Variants in CXCL9 observed in about 807,000 individuals in gnomAD.
CXCL9 encodes C-X-C motif chemokine ligand 9.
In CXCL9, 8 loss-of-function variants were observed where a neutral mutation model predicts 11.7. The ratio of observed to expected loss-of-function variants is 0.68; its 90% confidence interval spans 0.40 to 1.23. CXCL9 has a LOEUF of 1.23. Ranked by LOEUF, CXCL9 falls within the 50% of genes most tolerant of loss-of-function variation. CXCL9 has a pLI of 0.01. For missense variants in CXCL9, 133 were observed against 141.7 expected (o/e 0.94, Z 0.31); for synonymous variants, 43 against 48.2 (o/e 0.89, Z 0.45).
At chr4:76,004,982 G>A in intron 2 of CXCL9, 89 bp from the exon 3 acceptor site, 12 of 1,383,786 alleles carry the variant, frequency 8.7e-6, no homozygotes, top group African/African-American at 1.5e-5. Flanking sequence ...TATGAATTGT[G>A]CTGAATTTTC....
At position 76,004,794 on chromosome 4, in the gene CXCL9, T is replaced by A; in HGVS notation, c.276+15A>T. The A allele has an allele frequency of 6.3e-7, 1 of 1,583,044 alleles. No homozygotes were observed. Among genetic ancestry groups the A allele is most frequent in the Non-Finnish European group, 8.5e-7 (1 of 1,170,900 alleles). ...TTCTAAAAGAAAGAAAATTTTGATCTTCCTTTTCACCAACCTGTTTCTCCC... is the reference window on the plus strand; with the variant it reads ...TTCTAAAAGAAAGAAAATTTTGATCATCCTTTTCACCAACCTGTTTCTCCC... On this transcript the variant is annotated intron_variant, in intron 3 of 3. Transcript: ENST00000264888.
rs1349598682 is a variant in CXCL9, at chr4:76,003,560, C to T, written c.*38G>A. The T allele has an allele frequency of 3.4e-6, 4 of 1,188,102 alleles. No homozygotes were observed. The African/African-American group carries it at 6.1e-5, about 18-fold the overall frequency. 73.6% of individuals were successfully genotyped at this position (1,188,102 alleles called of 1,614,324 possible). On this transcript the variant is annotated 3_prime_UTR_variant, in exon 4 of 4. Coordinates refer to ENST00000264888, the MANE Select transcript of CXCL9 (RefSeq NM_002416.3). ...TGATAGCGGTATAATTAAAATAGAA[C>T]ATTTTTAACACAGAATACTTATTGG...
chr4:76,006,212 G>C lies in CXCL9; in HGVS notation c.127C>G (p.Leu43Val), dbSNP rs760481907. 72 of 1,613,606 alleles carry C rather than the reference G, an allele frequency of 4.5e-5. No individual in the cohort carries two copies. In the South Asian group the frequency reaches 7.1e-4, roughly 16 times the overall value. Reference sequence around the variant, plus strand: ...TGTTTAAGGTCTTTCAAGGATTGTAGGTGGATAGTCCCTTGGTTGGTGCTG... The same window carrying C: ...TGTTTAAGGTCTTTCAAGGATTGTACGTGGATAGTCCCTTGGTTGGTGCTG... ...CISTNQGTIHLQSLKDLKQFA... is the reference protein window; with the variant it reads ...CISTNQGTIHVQSLKDLKQFA... The change falls in exon 2 of 4, where the codon CTA (leucine) becomes GTA (valine). Residue 43 changes from leucine (L) to valine (V), a missense_variant. Physicochemically the swap from Leu to Val is conservative, Grantham distance 32. Transcript: ENST00000264888.
intron 1 of CXCL9, among the ~76,000 whole-genome samples, chr4:76,007,074 A>G (rs1578168077): frequency 1.3e-5 from 2 of 152,318 alleles, no homozygotes; most frequent in East Asian, 3.9e-4. Flanking sequence ...AGCCACAGAT[A>G]TACTTAGCAA....
At chr4:76,004,726 T>C in intron 3 of CXCL9, 83 bp downstream of exon 3, 2 of 1,501,258 alleles carry the variant, frequency 1.3e-6, no homozygotes, top group South Asian at 2.9e-5. Flanking sequence ...TGTATTCTTA[T>C]AGTGTTAATG....
intron 3 of CXCL9, among the ~76,000 whole-genome samples, chr4:76,004,489 C>T (rs1433785137): frequency 6.6e-6 from 1 of 152,156 alleles, no homozygotes; most frequent in African/African-American, 2.4e-5. Flanking sequence ...TTAGCATATG[C>T]ACTACAACAG....
chr4:76,003,770 TC>T (rs1190162562), intron 3 of CXCL9, 71 bp from the exon 4 acceptor site: 2 of 891,582 alleles, frequency 2.2e-6, no homozygotes, highest in Non-Finnish European at 3.6e-6. Flanking sequence ...ATTTGGACTC[TC>T]CTGATCATTG....
chr4:76,004,265 G>A (rs1160562279), intron 3 of CXCL9, among the ~76,000 whole-genome samples: 3 of 152,076 alleles, frequency 2.0e-5, no homozygotes, highest in African/African-American at 7.2e-5. Context: ...AACACAGCAG[G>A]TTCTCTCATG....
intron 1 of CXCL9, among the ~76,000 whole-genome samples, chr4:76,007,011 G>A (rs947286043): frequency 1.6e-4 from 24 of 152,292 alleles, no homozygotes; most frequent in East Asian, 3.9e-4. Flanking sequence ...AAGATAGTTA[G>A]TAAATAGATT....
In CXCL9 at chr4:76,004,913, G is replaced by A; in HGVS notation, c.192-20C>T. 1 of 1,520,150 alleles carries A rather than the reference G, an allele frequency of 6.6e-7. No individual in the cohort carries two copies. Among genetic ancestry groups the A allele is most frequent in the Non-Finnish European group, 8.8e-7 (1 of 1,138,194 alleles). 94.2% of individuals were successfully genotyped at this position (1,520,150 alleles called of 1,614,324 possible). ...GTAGCACTGCCAAAGAAATAGCAAT[G>A]AGATAGTTTTTTCTCATTAATAATT... On this transcript the variant is annotated intron_variant, in intron 2 of 3. Transcript: ENST00000264888.
Position 76,006,223 on chromosome 4 carries a change from C to T in CXCL9, c.116G>A (p.Gly39Glu), listed in dbSNP as rs1356888826. Reference protein sequence around the residue: ...GRCSCISTNQGTIHLQSLKDL... With the variant: ...GRCSCISTNQETIHLQSLKDL... ...TTTCAAGGATTGTAGGTGGATAGTCCCTTGGTTGGTGCTGATGCAGGAACA... is the reference window on the plus strand; with the variant it reads ...TTTCAAGGATTGTAGGTGGATAGTCTCTTGGTTGGTGCTGATGCAGGAACA... Residue 39 changes from glycine (G) to glutamate (E), a missense_variant, in exon 2 of 4, where the codon GGG becomes GAG. By Grantham distance (98) the Gly-to-Glu change is moderately conservative (BLOSUM62 -2). Transcript: ENST00000264888. The T allele has an allele frequency of 1.2e-6, 2 of 1,613,586 alleles. No individual in the cohort carries two copies. Among genetic ancestry groups the T allele is most frequent in the African/African-American group, 2.7e-5 (2 of 74,850 alleles).
At chr4:76,005,035 A>T in intron 2 of CXCL9, 142 bp from the exon 3 acceptor site, 1 of 1,237,766 alleles carries the variant, frequency 8.1e-7, no homozygotes, top group Non-Finnish European at 1.0e-6. Context: ...AAGATGAGTC[A>T]CTGGTTGAAT....
chr4:76,003,613 T>C lies in CXCL9; in HGVS notation c.363A>G (p.Gln121=), dbSNP rs1395547772. ...LKVRKSQRSR[Q]KKTT is the part of the protein sequence containing the mutation. ...AAGTGGTCTCTTATGTAGTCTTCTTTTGACGAGAACGTTGAGATTTTCGAA... is the reference window on the plus strand; with the variant it reads ...AAGTGGTCTCTTATGTAGTCTTCTTCTGACGAGAACGTTGAGATTTTCGAA... Residue 121 remains glutamine, a synonymous_variant, in exon 4 of 4, where the codon CAA becomes CAG. Coordinates refer to ENST00000264888, the MANE Select transcript of CXCL9 (RefSeq NM_002416.3). The C allele has an allele frequency of 6.3e-7, 1 of 1,598,388 alleles. No individual in the cohort carries two copies. The highest frequency in any genetic ancestry group is 8.6e-7 in the Non-Finnish European group (1 of 1,166,786).
intron 3 of CXCL9, among the ~76,000 whole-genome samples, chr4:76,004,512 C>T (rs375369322): frequency 2.1e-4 from 32 of 152,208 alleles, no homozygotes; most frequent in African/African-American, 7.2e-4. Flanking sequence ...AGGGACTATA[C>T]CTTATTATCT....
rs189320006 is a variant in CXCL9, at chr4:76,004,934, T to C, written c.192-41A>G. On this transcript the variant is annotated intron_variant, in intron 2 of 3. Coordinates refer to ENST00000264888, the MANE Select transcript of CXCL9 (RefSeq NM_002416.3). ...CAATGAGATAGTTTTTTCTCATTAA[T>C]AATTTAAATGCTTCTTCTCAGAAAT... The C allele has an allele frequency of 2.8e-4, 427 of 1,498,486 alleles. 3 individuals are homozygous for C. The African/African-American group carries it at 5.3e-3, about 19-fold the overall frequency. The allele number at this position is 1,498,486 out of a possible 1,614,324, so 92.8% of individuals were successfully genotyped here.
rs1343458523 is a variant in CXCL9 at position 76,003,643 on chromosome 4, C to A, written c.333G>T (p.Leu111=). ...NGKKHQKKKV[L]KVRKSQRSRQ... ...GAGAACGTTGAGATTTTCGAACTTT[C>A]AGAACTTTCTTTTTTTGATGTTTTT... Residue 111 remains leucine, a synonymous_variant, in exon 4 of 4, where the codon CTG becomes CTT. Coordinates refer to ENST00000264888, the MANE Select transcript of CXCL9 (RefSeq NM_002416.3). 6.2e-7 allele frequency: 1 copy of A among 1,612,790 alleles called. No homozygotes were observed. The highest frequency in any genetic ancestry group is 1.7e-5 in the Admixed American group (1 of 59,984).
Position 76,006,222 on chromosome 4 carries a change from C to T in CXCL9, c.117G>A (p.Gly39=). 2 of 1,613,714 alleles carry T rather than the reference C, an allele frequency of 1.2e-6. No homozygotes were observed. The highest frequency in any genetic ancestry group is 1.1e-5 in the South Asian group (1 of 91,056). Residue 39 remains glycine (G), a synonymous_variant, in exon 2 of 4, where the codon GGG becomes GGA. Transcript: ENST00000264888. The stretch of plus-strand genomic sequence containing the variant: ...CTTTCAAGGATTGTAGGTGGATAGT[C>T]CCTTGGTTGGTGCTGATGCAGGAAC... The part of the protein sequence containing the change: ...GRCSCISTNQ[G]TIHLQSLKDL...
At chr4:76,005,909 T>C in intron 2 of CXCL9, 1 of 352,630 alleles carries the variant, frequency 2.8e-6, no homozygotes, top group Non-Finnish European at 5.4e-6. Flanking sequence ...TTTCTTCTAT[T>C]GTGTTACCTG....
intron 2 of CXCL9, chr4:76,005,785 A>G (rs1457356351): frequency 1.1e-5 from 2 of 181,982 alleles, no homozygotes; most frequent in Admixed American, 5.5e-5. Flanking sequence ...ACGTGTATGT[A>G]AAAACATATC....
Sources: gnomAD v4.1 joint callset for allele counts (sites outside exome capture counted in the v4.1 genomes callset) on GRCh38, gnomAD v4.1.1 for gene constraint, MANE v1.5 for transcripts, NCBI Gene and HGNC (gene_info 2026-07-23, HGNC 2026-07-21) for gene names.